Variants in CNTLN observed in about 807,000 individuals in gnomAD.
The protein encoded by CNTLN is centlein.
Under a neutral mutation model 180.0 loss-of-function variants are expected in CNTLN, and 212 were observed. The ratio of observed to expected loss-of-function variants is 1.18; its 90% CI spans 1.05 to 1.32. The LOEUF (loss-of-function observed/expected upper bound fraction) is 1.32, where lower values mean the gene tolerates loss of function less well. Ranked by LOEUF, CNTLN falls within the 40% of genes most tolerant of loss-of-function variation. The pLI, the probability that CNTLN is intolerant of heterozygous loss-of-function variation, is 0.00. For missense variants in CNTLN, 2,095 were observed against 1,610.9 expected (o/e 1.30, Z -5.14); for synonymous variants, 722 against 563.1 (o/e 1.28, Z -3.99).
downstream of CNTLN, among the ~76,000 whole-genome samples, chr9:17,508,546 C>T (rs889288254): frequency 1.3e-5 from 2 of 152,158 alleles, no homozygotes; most frequent in Non-Finnish European, 2.9e-5. Flanking sequence ...AAGACTATTC[C>T]TCATGTTACC....
At chr9:17,400,122 A>G (rs1005264892) in intron 15 of CNTLN, among the ~76,000 whole-genome samples, 1 of 152,094 alleles carries the variant, frequency 6.6e-6, no homozygotes, top group African/African-American at 2.4e-5. Context: ...TCTCCCCAAC[A>G]CAACTCTACC....
At chr9:17,442,136 T>A (rs1830147259) in intron 18 of CNTLN, among the ~76,000 whole-genome samples, 1 of 152,140 alleles carries the variant, frequency 6.6e-6, no homozygotes. Flanking sequence ...TAATCCGGAA[T>A]CAGAGGACTT....
At chr9:17,326,267 A>G (rs961522481) in intron 8 of CNTLN, among the ~76,000 whole-genome samples, 1 of 152,126 alleles carries the variant, frequency 6.6e-6, no homozygotes, top group Admixed American at 6.5e-5. Flanking sequence ...TCAAGAATGT[A>G]AACTAAAAGG....
Position 17,503,685 on chromosome 9 carries a change from T to C in CNTLN, c.*1033T>C, listed in dbSNP as rs1239286245. On this transcript the variant is annotated 3_prime_UTR_variant, in exon 26 of 26. Transcript: ENST00000380647. ...TTCATGTATTTGTTTTCTTGTTTATTTTCTTCTTTTCCCTCTTTAGTATGT... is the reference window on the plus strand; with the variant it reads ...TTCATGTATTTGTTTTCTTGTTTATCTTCTTCTTTTCCCTCTTTAGTATGT... 1.3e-5 allele frequency: 2 copies of C among 152,680 alleles called. No homozygotes were observed. The highest frequency in any genetic ancestry group is 4.8e-5 in the African/African-American group (2 of 41,468). 9.5% of individuals were successfully genotyped at this position (152,680 alleles called of 1,614,324 possible). A position where few individuals can be genotyped will look rare whatever the true frequency, so the allele number is the denominator to read the frequency against.
intron 2 of CNTLN, among the ~76,000 whole-genome samples, chr9:17,202,662 T>TTTTTTTTTTTTTTTTTTC (rs1822625468): frequency 7.3e-6 from 1 of 136,960 alleles, no homozygotes; most frequent in Non-Finnish European, 1.6e-5. Flanking sequence ...TTTTTTTTTT[T>TTTTTTTTTTTTTTTTTTC]TTTTTTTTGT....
intron 18 of CNTLN, among the ~76,000 whole-genome samples, chr9:17,435,527 T>A (rs1371928236): frequency 6.6e-6 from 1 of 151,750 alleles, no homozygotes; most frequent in African/African-American, 2.4e-5. Context: ...CCTTAGACTA[T>A]GAAAGGTAGT....
At chr9:17,239,528 C>G (rs1825361745) in intron 5 of CNTLN, among the ~76,000 whole-genome samples, 1 of 152,168 alleles carries the variant, frequency 6.6e-6, no homozygotes, top group Non-Finnish European at 1.5e-5. Flanking sequence ...GATGTCATAT[C>G]TAAGAAACCA....
In CNTLN at chr9:17,321,900, CT is replaced by C. The variant is rs573684885; in HGVS notation, c.1342-8731del. On this transcript the variant is annotated intron_variant, in intron 8 of 25. Transcript: ENST00000380647. The stretch of plus-strand genomic sequence containing the variant: ...TCTTATACTTTCTCTAGGTATCTTA[CT>C]GTACAGGATCAAAATAACTTTCAAT... Among the ~76,000 whole-genome samples the C allele has an allele frequency of 1.3e-3, 201 of 152,136 alleles. 1 individual carries two copies. Among genetic ancestry groups the C allele is most frequent in the Admixed American group, 4.3e-3 (66 of 15,278 alleles).
At chr9:17,447,332 A>C (rs191356227) in intron 18 of CNTLN, 32 of 200,988 alleles carry the variant, frequency 1.6e-4, no homozygotes, top group Middle Eastern at 6.8e-4. Context: ...GGCCCTCCCC[A>C]TAGTTGAGGT....
intron 1 of CNTLN, among the ~76,000 whole-genome samples, chr9:17,139,302 G>T (rs1020943463): frequency 1.3e-5 from 2 of 151,808 alleles, no homozygotes; most frequent in African/African-American, 4.8e-5. Flanking sequence ...TGGTCAGGCT[G>T]GTCTCAAACT....
intron 23 of CNTLN, among the ~76,000 whole-genome samples, chr9:17,474,532 A>C (rs1438528458): frequency 1.3e-5 from 2 of 152,158 alleles, no homozygotes; most frequent in African/African-American, 4.8e-5. Flanking sequence ...CTCTTGATCC[A>C]GAACAGTCTT....
At chr9:17,368,553 T>C (rs968046967) in intron 13 of CNTLN, among the ~76,000 whole-genome samples, 14 of 152,270 alleles carry the variant, frequency 9.2e-5, no homozygotes, top group African/African-American at 2.9e-4. Context: ...GACTCAGGGA[T>C]ATACTGGTGT....
At chr9:17,271,029 CA>C (rs1409207001) in intron 5 of CNTLN, among the ~76,000 whole-genome samples, 2 of 147,718 alleles carry the variant, frequency 1.4e-5, no homozygotes, top group African/African-American at 5.1e-5. Flanking sequence ...TGGCTCACTG[CA>C]ATCTCAGCCT....
intron 9 of CNTLN, among the ~76,000 whole-genome samples, chr9:17,332,035 T>C (rs527352401): frequency 6.6e-6 from 1 of 152,224 alleles, no homozygotes; most frequent in East Asian, 1.9e-4. Flanking sequence ...CACATATTCT[T>C]TCTCCAGATT....
At chr9:17,334,353 C>T (rs1249677172) in intron 10 of CNTLN, among the ~76,000 whole-genome samples, 1 of 152,102 alleles carries the variant, frequency 6.6e-6, no homozygotes, top group Non-Finnish European at 1.5e-5. Flanking sequence ...AGCCGCTGCT[C>T]CTGGCCCTTT....
chr9:17,211,986 C>T (rs1243670291), intron 2 of CNTLN, among the ~76,000 whole-genome samples: 2 of 152,184 alleles, frequency 1.3e-5, no homozygotes, highest in East Asian at 1.9e-4. Context: ...AATATACAGT[C>T]ATGTCGTCTG....
At chr9:17,194,447 A>G (rs1219405986) in intron 2 of CNTLN, among the ~76,000 whole-genome samples, 1 of 152,164 alleles carries the variant, frequency 6.6e-6, no homozygotes, top group Non-Finnish European at 1.5e-5. Flanking sequence ...AGTTCTACAA[A>G]TCTCTAGGGC....
chr9:17,327,530 A>G (rs1246526164), intron 8 of CNTLN, among the ~76,000 whole-genome samples: 1 of 150,666 alleles, frequency 6.6e-6, no homozygotes, highest in African/African-American at 2.4e-5. Flanking sequence ...TATATCACAA[A>G]CTTACTAGTA....
chr9:17,497,870 G>A (rs1833540610), intron 25 of CNTLN, among the ~76,000 whole-genome samples: 1 of 152,126 alleles, frequency 6.6e-6, no homozygotes, highest in Admixed American at 6.5e-5. Context: ...ACGCAGATTT[G>A]TGTGTGTGCT....
Sources: allele counts gnomAD v4.1 joint callset (sites outside exome capture counted in the v4.1 genomes callset), GRCh38; gene constraint gnomAD v4.1.1; transcripts MANE v1.5; gene names NCBI Gene and HGNC (gene_info 2026-07-23, HGNC 2026-07-21).